Variants in KCNH5 observed in about 807,000 individuals in gnomAD.
KCNH5 encodes potassium voltage-gated channel subfamily H member 5.
KCNH5 carries 46 observed loss-of-function variants against 96.1 expected under a neutral mutation model. That is an observed-to-expected ratio of 0.48 (90% CI 0.38 to 0.61). KCNH5 has a LOEUF of 0.61. KCNH5 is among the 20% of genes least tolerant of loss of function. KCNH5 has a pLI of 0.00. For missense variants in KCNH5, 907 were observed against 1,225.8 expected (o/e 0.74, Z 3.88); for synonymous variants, 439 against 449.8 (o/e 0.98, Z 0.30).
chr14:62,700,721 A>T lies in KCNH5; in HGVS notation c.*6787T>A, dbSNP rs182951732. 6.6e-6 allele frequency: 1 copy of T among 152,278 alleles called. No individual in the cohort carries two copies. The highest frequency in any genetic ancestry group is 2.4e-5 in the African/African-American group (1 of 41,570). The allele number at this position is 152,278 out of a possible 1,614,324, so 9.4% of individuals were successfully genotyped here. A position where few individuals can be genotyped will look rare whatever the true frequency, so the allele number is the denominator to read the frequency against. The stretch of plus-strand genomic sequence containing the variant: ...TCTTTGTTGTGATTTTGCATAGTTT[A>T]CTAGCTAGGTATTCTTCCTGTTTGC... On this transcript the variant is annotated 3_prime_UTR_variant, in exon 11 of 11. Coordinates refer to ENST00000322893, the MANE Select transcript of KCNH5 (RefSeq NM_139318.5).
At chr14:62,995,030 A>G (rs1237036077) in intron 4 of KCNH5, among the ~76,000 whole-genome samples, 1 of 152,128 alleles carries the variant, frequency 6.6e-6, no homozygotes, top group Non-Finnish European at 1.5e-5. Flanking sequence ...GATTGATTAC[A>G]AGGAAGAGGT....
chr14:63,016,723 T>G lies in KCNH5; in HGVS notation c.197+108A>C, dbSNP rs923273932. ...TCTCCCTAATATTCTAACATAATTT[T>G]TAACTCTATGGTTTGTATATGGGAG... is the stretch of plus-strand genomic sequence containing the variant. On this transcript the variant is annotated intron_variant, in intron 2 of 10. Transcript: ENST00000322893. 7.3e-5 allele frequency: 76 copies of G among 1,048,024 alleles called. No homozygotes were observed. The South Asian group carries it at 1.5e-3, about 20-fold the overall frequency. The allele number at this position is 1,048,024 out of a possible 1,614,324, so 64.9% of individuals were successfully genotyped here.
chr14:62,993,010 C>G (rs1310984412), intron 4 of KCNH5, among the ~76,000 whole-genome samples: 2 of 152,006 alleles, frequency 1.3e-5, no homozygotes, highest in African/African-American at 2.4e-5. Context: ...ATAGGGGGGT[C>G]CTGTTTCATT....
At chr14:62,977,745 G>T (rs1032370676) in intron 6 of KCNH5, among the ~76,000 whole-genome samples, 1 of 152,128 alleles carries the variant, frequency 6.6e-6, no homozygotes, top group African/African-American at 2.4e-5. Context: ...CATCCCACTT[G>T]ATCAATTGAG....
chr14:63,045,402 C>G lies in KCNH5; in HGVS notation c.-216G>C. 1.8e-6 allele frequency: 1 copy of G among 567,432 alleles called. No individual in the cohort carries two copies. Among genetic ancestry groups the G allele is most frequent in the East Asian group, 2.9e-5 (1 of 34,568 alleles). The allele number at this position is 567,432 out of a possible 1,614,324, so 35.1% of individuals were successfully genotyped here. On this transcript the variant is annotated 5_prime_UTR_variant, in exon 1 of 11. Coordinates refer to ENST00000322893, the MANE Select transcript of KCNH5 (RefSeq NM_139318.5). The stretch of plus-strand genomic sequence containing the variant: ...CCAGGCAGTTCATGGTAGTAGCGCT[C>G]CCCCGGCCGCCGCTGCCCAGACTGT...
chr14:62,776,692 T>C (rs1288054577), intron 10 of KCNH5, among the ~76,000 whole-genome samples: 1 of 152,248 alleles, frequency 6.6e-6, no homozygotes, highest in African/African-American at 2.4e-5. Context: ...CATGGAATTC[T>C]AGTTATTCGT....
intron 7 of KCNH5, among the ~76,000 whole-genome samples, chr14:62,939,668 G>T (rs763396232): frequency 6.6e-6 from 1 of 152,174 alleles, no homozygotes; most frequent in African/African-American, 2.4e-5. Flanking sequence ...GGCTGGGCAT[G>T]GTGGCTCATG....
chr14:62,832,165 C>T (rs1185794789), intron 8 of KCNH5, among the ~76,000 whole-genome samples: 4 of 151,938 alleles, frequency 2.6e-5, no homozygotes, highest in African/African-American at 7.3e-5. Context: ...ATGAAATTTA[C>T]CCTACTATTA....
chr14:62,883,743 A>G (rs1381441644), intron 7 of KCNH5, among the ~76,000 whole-genome samples: 1 of 151,948 alleles, frequency 6.6e-6, no homozygotes, highest in Admixed American at 6.6e-5. Flanking sequence ...TTTTTCCACC[A>G]CAGATATGTA....
chr14:62,886,823 TA>T (rs975044961), intron 7 of KCNH5, among the ~76,000 whole-genome samples: 2 of 152,120 alleles, frequency 1.3e-5, no homozygotes, highest in Admixed American at 1.3e-4. Context: ...TATCTTGATT[TA>T]AAAAAGGGAG....
chr14:62,753,297 TAGAC>T (rs1025459895), intron 10 of KCNH5, among the ~76,000 whole-genome samples: 4 of 151,670 alleles, frequency 2.6e-5, no homozygotes, highest in African/African-American at 4.8e-5. Context: ...TATTTGAAAA[TAGAC>T]AGAAGAGAAA....
At position 62,706,695 on chromosome 14, in the gene KCNH5, G is replaced by C. The variant is rs995538189; in HGVS notation, c.*813C>G. 2.6e-5 allele frequency: 4 copies of C among 151,932 alleles called. No individual in the cohort carries two copies. Among genetic ancestry groups the C allele is most frequent in the Admixed American group, 1.3e-4 (2 of 15,262 alleles). 9.4% of individuals were successfully genotyped at this position (151,932 alleles called of 1,614,324 possible). On this transcript the variant is annotated 3_prime_UTR_variant, in exon 11 of 11. Coordinates refer to ENST00000322893, the MANE Select transcript of KCNH5 (RefSeq NM_139318.5). Reference sequence around the variant, plus strand: ...GCATCTCTTACATGAATTGTCAAAAGGCCCTTATACCCTGTGGTGCAGTGT... The same window carrying C: ...GCATCTCTTACATGAATTGTCAAAACGCCCTTATACCCTGTGGTGCAGTGT...
chr14:62,847,397 A>G (rs879878500), intron 8 of KCNH5, among the ~76,000 whole-genome samples: 1 of 152,054 alleles, frequency 6.6e-6, no homozygotes, highest in African/African-American at 2.4e-5. Flanking sequence ...AATTTGGCAG[A>G]TGTCTTTCCT....
At chr14:62,817,863 A>T (rs1887024571) in intron 8 of KCNH5, among the ~76,000 whole-genome samples, 1 of 132,238 alleles carries the variant, frequency 7.6e-6, no homozygotes, top group African/African-American at 2.9e-5. Flanking sequence ...ACACATACAT[A>T]CATATACATA....
At position 62,707,324 on chromosome 14, in the gene KCNH5, T is replaced by G. The variant is rs1884453532; in HGVS notation, c.*184A>C. The G allele has an allele frequency of 2.3e-5, 8 of 346,804 alleles. No homozygotes were observed. The highest frequency in any genetic ancestry group is 4.0e-5 in the Non-Finnish European group (8 of 197,712). 21.5% of individuals were successfully genotyped at this position (346,804 alleles called of 1,614,324 possible). A position where few individuals can be genotyped will look rare whatever the true frequency, so the allele number is the denominator to read the frequency against. ...AACTGCATAATATACAAGCAATATC[T>G]ATGTTTTTAATCATCATCTTCTTTG... On this transcript the variant is annotated 3_prime_UTR_variant, in exon 11 of 11. Transcript: ENST00000322893.
At chr14:62,936,751 G>T (rs768668673) in intron 7 of KCNH5, among the ~76,000 whole-genome samples, 1 of 151,484 alleles carries the variant, frequency 6.6e-6, no homozygotes, top group Non-Finnish European at 1.5e-5. Context: ...GCCAAGGCAG[G>T]CAGATCACGA....
chr14:62,829,155 C>T (rs879557037), intron 8 of KCNH5, among the ~76,000 whole-genome samples: 1 of 152,130 alleles, frequency 6.6e-6, no homozygotes, highest in African/African-American at 2.4e-5. Context: ...GTGCACCTGA[C>T]GTTTTGCAGG....
chr14:62,857,375 C>T (rs954858404), intron 7 of KCNH5, among the ~76,000 whole-genome samples: 1 of 152,130 alleles, frequency 6.6e-6, no homozygotes, highest in African/African-American at 2.4e-5. Flanking sequence ...CTTTATCCTT[C>T]TATGATAGTT....
At chr14:62,823,766 T>A (rs1376386849) in intron 8 of KCNH5, among the ~76,000 whole-genome samples, 1 of 152,100 alleles carries the variant, frequency 6.6e-6, no homozygotes, top group Non-Finnish European at 1.5e-5. Flanking sequence ...AAATTGGCAT[T>A]CATCATTATC....
Sources: gnomAD v4.1 joint callset for allele counts (sites outside exome capture counted in the v4.1 genomes callset) on GRCh38, gnomAD v4.1.1 for gene constraint, MANE v1.5 for transcripts, NCBI Gene and HGNC (gene_info 2026-07-23, HGNC 2026-07-21) for gene names.